The following ADCY2 variants were observed in gnomAD, a reference collection of about 807,000 sequenced individuals.
ADCY2 encodes the protein adenylate cyclase 2.
A neutral mutation model predicts 125.2 loss-of-function variants in ADCY2; 31 were observed. The ratio of observed to expected loss-of-function variants is 0.25; its 90% CI spans 0.19 to 0.33. The LOEUF (loss-of-function observed/expected upper bound fraction) is 0.33, where lower values mean the gene tolerates loss of function less well. Among genes scored for constraint, ADCY2 ranks in the 10% least tolerant of loss-of-function variants. The probability of loss-of-function intolerance (pLI) is 1.00; values close to 1 mark genes in which losing one functional copy is unlikely to be tolerated. For missense variants in ADCY2, 904 were observed against 1,418.2 expected, an observed-to-expected ratio of 0.64 and a Z score of 5.82; for synonymous variants, 512 against 548.4, an observed-to-expected ratio of 0.93 and a Z score of 0.93.
intron 3 of ADCY2, among the ~76,000 whole-genome samples, chr5:7,625,428 A>G (rs1181135905): frequency 2.0e-5 from 3 of 152,254 alleles, no homozygotes; most frequent in Non-Finnish European, 2.9e-5. Flanking sequence ...GAGTAGGCAG[A>G]CAAGGCCGTA....
At chr5:7,519,567 C>A (rs1196212461) in intron 2 of ADCY2, among the ~76,000 whole-genome samples, 1 of 152,196 alleles carries the variant, frequency 6.6e-6, no homozygotes, top group East Asian at 1.9e-4. Flanking sequence ...TATCTCTGCT[C>A]CTTTTGTAAT....
At chr5:7,708,706 A>G (rs944609043) in intron 9 of ADCY2, among the ~76,000 whole-genome samples, 1 of 152,166 alleles carries the variant, frequency 6.6e-6, no homozygotes, top group Non-Finnish European at 1.5e-5. Flanking sequence ...TTTGAAGACA[A>G]ACTTTCAACT....
chr5:7,581,133 C>T (rs1431186666), intron 3 of ADCY2, among the ~76,000 whole-genome samples: 1 of 152,090 alleles, frequency 6.6e-6, no homozygotes, highest in East Asian at 1.9e-4. Flanking sequence ...GAAGAACAAC[C>T]TTTGGAAATT....
intron 22 of ADCY2, among the ~76,000 whole-genome samples, chr5:7,807,354 A>G (rs578214781): frequency 6.6e-6 from 1 of 152,050 alleles, no homozygotes; most frequent in East Asian, 1.9e-4. Flanking sequence ...CACCTCCACA[A>G]TCCTGCCTCA....
intron 3 of ADCY2, among the ~76,000 whole-genome samples, chr5:7,527,629 G>T (rs1366372837): frequency 6.6e-6 from 1 of 152,106 alleles, no homozygotes; most frequent in Non-Finnish European, 1.5e-5. Flanking sequence ...TTTATAACAG[G>T]ATTACTTATA....
intron 4 of ADCY2, among the ~76,000 whole-genome samples, chr5:7,661,112 A>AT (rs1739512968): frequency 6.6e-6 from 1 of 152,178 alleles, no homozygotes. Flanking sequence ...GGACAGGGGT[A>AT]TATATCTCTA....
At chr5:7,501,193 C>G (rs1251711905) in intron 2 of ADCY2, among the ~76,000 whole-genome samples, 2 of 149,878 alleles carry the variant, frequency 1.3e-5, no homozygotes, top group Non-Finnish European at 3.0e-5. Flanking sequence ...AGGCTGTTGA[C>G]AAGATGTTTT....
chr5:7,729,131 A>G (rs1224011576), intron 14 of ADCY2, among the ~76,000 whole-genome samples: 1 of 152,232 alleles, frequency 6.6e-6, no homozygotes, highest in Admixed American at 6.5e-5. Context: ...CACTTGCTGT[A>G]ACAGCCTCAG....
At chr5:7,537,877 C>A (rs554539900) in intron 3 of ADCY2, among the ~76,000 whole-genome samples, 1 of 152,318 alleles carries the variant, frequency 6.6e-6, no homozygotes, top group Non-Finnish European at 1.5e-5. Flanking sequence ...CTTGGCCATT[C>A]CTCTCCTCAC....
At chr5:7,762,672 C>T (rs549915523) in intron 16 of ADCY2, among the ~76,000 whole-genome samples, 22 of 152,306 alleles carry the variant, frequency 1.4e-4, no homozygotes, top group African/African-American at 5.1e-4. Context: ...TTAACCTGCC[C>T]ATCCTGGAGC....
chr5:7,526,185 G>T (rs1490643866), intron 3 of ADCY2, among the ~76,000 whole-genome samples: 1 of 152,194 alleles, frequency 6.6e-6, no homozygotes, highest in Non-Finnish European at 1.5e-5. Flanking sequence ...CTCACACACA[G>T]CTTTGTCATC....
At chr5:7,635,912 T>A (rs1362166248) in intron 4 of ADCY2, among the ~76,000 whole-genome samples, 1 of 152,156 alleles carries the variant, frequency 6.6e-6, no homozygotes, top group Non-Finnish European at 1.5e-5. Flanking sequence ...ATCCTGGGGA[T>A]GTGGTTGTGG....
At chr5:7,526,494 G>A (rs142810754) in intron 3 of ADCY2, among the ~76,000 whole-genome samples, 364 of 152,260 alleles carry the variant, frequency 2.4e-3, no homozygotes, top group African/African-American at 8.4e-3. Context: ...ACAAAGGAAG[G>A]ATTAAGGTTG....
intron 2 of ADCY2, among the ~76,000 whole-genome samples, chr5:7,518,569 T>A (rs1281071048): frequency 6.6e-6 from 1 of 152,214 alleles, no homozygotes; most frequent in Non-Finnish European, 1.5e-5. Flanking sequence ...AAAAAAATAT[T>A]GCTATGGCAA....
chr5:7,592,546 A>C (rs1024618466), intron 3 of ADCY2, among the ~76,000 whole-genome samples: 11 of 152,032 alleles, frequency 7.2e-5, no homozygotes, highest in African/African-American at 2.4e-4. Context: ...GGAACTGGAA[A>C]AAAAAATGGT....
At chr5:7,650,691 A>G (rs1739058104) in intron 4 of ADCY2, among the ~76,000 whole-genome samples, 1 of 152,182 alleles carries the variant, frequency 6.6e-6, no homozygotes, top group Non-Finnish European at 1.5e-5. Flanking sequence ...TAAATGAAAT[A>G]ATGAGGACAG....
chr5:7,609,071 G>A (rs1361600637), intron 3 of ADCY2, among the ~76,000 whole-genome samples: 1 of 152,150 alleles, frequency 6.6e-6, no homozygotes, highest in Non-Finnish European at 1.5e-5. Flanking sequence ...GTCTGGGAAG[G>A]TTTCATTCCC....
At chr5:7,594,147 G>A (rs987937464) in intron 3 of ADCY2, among the ~76,000 whole-genome samples, 7 of 152,190 alleles carry the variant, frequency 4.6e-5, no homozygotes, top group African/African-American at 1.7e-4. Context: ...TCTGGCACTG[G>A]TTACAGTGCC....
chr5:7,408,945 C>T lies in ADCY2; in HGVS notation c.211-5628C>T, dbSNP rs577924037. Among the ~76,000 whole-genome samples, 10 of 152,242 alleles carry T rather than the reference C, an allele frequency of 6.6e-5. No individual in the cohort carries two copies. The South Asian group carries it at 1.9e-3, about 28-fold the overall frequency. ...ACATTTATGTGAATATTCATTGCAG[C>T]AGCATTCACAACAGCAAAGACATGG... On this transcript the variant is annotated intron_variant, in intron 1 of 24. Transcript: ENST00000338316.
Sources: allele counts gnomAD v4.1 joint callset (sites outside exome capture counted in the v4.1 genomes callset), GRCh38; gene constraint gnomAD v4.1.1; transcripts MANE v1.5; gene names NCBI Gene and HGNC (gene_info 2026-07-23, HGNC 2026-07-21).